The following SH3D19 variants were observed in gnomAD, a reference collection of about 807,000 sequenced individuals.
The protein encoded by SH3D19 is SH3 domain containing 19, also known as SH3 domain-containing protein 19.
A neutral mutation model predicts 112.1 loss-of-function variants in SH3D19; 58 were observed. The observed-to-expected ratio is 0.52, with a 90% CI of 0.42 to 0.64. The LOEUF (loss-of-function observed/expected upper bound fraction) is 0.64, where lower values mean the gene tolerates loss of function less well. Ranked by LOEUF, SH3D19 falls within the 30% of genes least tolerant of loss-of-function variation. The pLI, the probability that SH3D19 is intolerant of heterozygous loss-of-function variation, is 0.00. For synonymous variants in SH3D19, 391 were observed against 448.5 expected (o/e 0.87, Z 1.62); for missense variants, 1,090 against 1,263.4 (o/e 0.86, Z 2.08).
intron 3 of SH3D19, among the ~76,000 whole-genome samples, chr4:151,182,654 G>A (rs192530470): frequency 3.3e-5 from 5 of 152,158 alleles, no homozygotes; most frequent in African/African-American, 1.2e-4. Context: ...TGATCCTTCT[G>A]GAAAAACTGA....
intron 4 of SH3D19, among the ~76,000 whole-genome samples, chr4:151,178,474 C>A (rs1231151454): frequency 6.6e-6 from 1 of 152,168 alleles, no homozygotes; most frequent in South Asian, 2.1e-4. Context: ...TCCTAAGAAC[C>A]TTTGCTTATA....
intron 1 of SH3D19, among the ~76,000 whole-genome samples, chr4:151,320,164 CAA>C (rs1400146672): frequency 6.6e-6 from 1 of 152,182 alleles, no homozygotes; most frequent in Admixed American, 6.5e-5. Context: ...GCACAACAGA[CAA>C]CAGTTATATC....
intron 17 of SH3D19, among the ~76,000 whole-genome samples, chr4:151,130,273 C>G (rs1171882055): frequency 6.6e-6 from 1 of 151,934 alleles, no homozygotes; most frequent in Admixed American, 6.6e-5. Flanking sequence ...GAGACCCTGT[C>G]TACAAAAAAT....
intron 12 of SH3D19, chr4:151,141,214 C>T (rs1483665486): frequency 6.6e-6 from 1 of 152,198 alleles, no homozygotes; most frequent in African/African-American, 2.4e-5. Flanking sequence ...CAGCCTTGAC[C>T]TCCAGGGGTT....
chr4:151,237,498 T>C (rs1406340590), intron 1 of SH3D19, among the ~76,000 whole-genome samples: 1 of 151,200 alleles, frequency 6.6e-6, no homozygotes, highest in Non-Finnish European at 1.5e-5. Context: ...TCTAGGTAGA[T>C]GTTAAAAGCA....
At chr4:151,285,000 T>C (rs1184985808) in intron 1 of SH3D19, among the ~76,000 whole-genome samples, 2 of 152,190 alleles carry the variant, frequency 1.3e-5, no homozygotes, top group East Asian at 1.9e-4. Flanking sequence ...CTCTGAACTC[T>C]ATCCTCTAAT....
chr4:151,142,760 G>T (rs2149764241), intron 12 of SH3D19, among the ~76,000 whole-genome samples: 1 of 152,066 alleles, frequency 6.6e-6, no homozygotes, highest in Non-Finnish European at 1.5e-5. Context: ...TTAAAACTAG[G>T]CTTTCAAATA....
At chr4:151,148,758 G>A (rs1170729986) in intron 10 of SH3D19, among the ~76,000 whole-genome samples, 2 of 152,062 alleles carry the variant, frequency 1.3e-5, no homozygotes, top group East Asian at 1.9e-4. Flanking sequence ...AATAATTTTC[G>A]GCTGGGAGTG....
At chr4:151,311,007 A>C (rs922657693) in intron 1 of SH3D19, among the ~76,000 whole-genome samples, 1 of 149,740 alleles carries the variant, frequency 6.7e-6, no homozygotes, top group Non-Finnish European at 1.5e-5. Context: ...GTGTGTATAC[A>C]TATTATATAT....
intron 1 of SH3D19, among the ~76,000 whole-genome samples, chr4:151,245,101 G>A (rs1048493910): frequency 5.3e-5 from 8 of 151,884 alleles, no homozygotes; most frequent in African/African-American, 1.9e-4. Flanking sequence ...CCGAGATCAC[G>A]CCACTACACT....
At chr4:151,179,943 G>A (rs1285354093) in intron 3 of SH3D19, among the ~76,000 whole-genome samples, 3 of 152,196 alleles carry the variant, frequency 2.0e-5, no homozygotes, top group Non-Finnish European at 4.4e-5. Context: ...GCAGTGACAT[G>A]ATGTTCAGGG....
chr4:151,308,697 C>A (rs1021948812), intron 1 of SH3D19, among the ~76,000 whole-genome samples: 7 of 152,118 alleles, frequency 4.6e-5, no homozygotes, highest in Admixed American at 4.6e-4. Context: ...TTATTTAGTA[C>A]CTTAGAAGCC....
intron 1 of SH3D19, among the ~76,000 whole-genome samples, chr4:151,307,732 C>T (rs1322280558): frequency 6.6e-6 from 1 of 152,202 alleles, no homozygotes; most frequent in East Asian, 1.9e-4. Context: ...GCGCTCAGGA[C>T]TAACAAAGAA....
chr4:151,178,066 C>T (rs1760234432), intron 4 of SH3D19, among the ~76,000 whole-genome samples: 1 of 152,198 alleles, frequency 6.6e-6, no homozygotes, highest in African/African-American at 2.4e-5. Flanking sequence ...GCACATGCCA[C>T]CATGCCTGGC....
intron 2 of SH3D19, among the ~76,000 whole-genome samples, chr4:151,216,410 T>A (rs925304519): frequency 6.6e-6 from 1 of 152,214 alleles, no homozygotes; most frequent in African/African-American, 2.4e-5. Context: ...TAAGGATAGA[T>A]TGAGGGCCAC....
chr4:151,241,430 T>G (rs112817031), intron 1 of SH3D19, among the ~76,000 whole-genome samples: 2,963 of 152,048 alleles, frequency 0.019, 143 homozygotes, highest in African/African-American at 0.067. Context: ...AATTAGTGGT[T>G]GTCTAGAGTT....
At chr4:151,208,262 A>G (rs1030061261) in intron 2 of SH3D19, among the ~76,000 whole-genome samples, 4 of 152,238 alleles carry the variant, frequency 2.6e-5, no homozygotes, top group Admixed American at 2.6e-4. Context: ...GCTTCACTCC[A>G]TGGGTGAGAG....
At chr4:151,191,945 CTTTT>C (rs774312602) in intron 2 of SH3D19, among the ~76,000 whole-genome samples, 1 of 28,102 alleles carries the variant, frequency 3.6e-5, no homozygotes, top group African/African-American at 5.9e-5. Flanking sequence ...ACACCCAGCC[CTTTT>C]TTTTTTTTTT....
chr4:151,206,901 C>T (rs1389995324), intron 2 of SH3D19, among the ~76,000 whole-genome samples: 5 of 152,204 alleles, frequency 3.3e-5, no homozygotes, highest in Admixed American at 3.3e-4. Flanking sequence ...TTCTCTTGAA[C>T]TCCCTGCTCA....
Sources: gnomAD v4.1 joint callset for allele counts (sites outside exome capture counted in the v4.1 genomes callset) on GRCh38, gnomAD v4.1.1 for gene constraint, MANE v1.5 for transcripts, NCBI Gene and HGNC (gene_info 2026-07-23, HGNC 2026-07-21) for gene names.